The following PIK3R1 variants were observed in gnomAD, a reference collection of about 807,000 sequenced individuals.
The protein encoded by PIK3R1 is phosphatidylinositol 3-kinase regulatory subunit alpha.
In PIK3R1, 29 loss-of-function variants were observed where a neutral mutation model predicts 98.0. The observed-to-expected ratio is 0.30, with a 90% CI of 0.22 to 0.40. The LOEUF (loss-of-function observed/expected upper bound fraction) is 0.40. Ranked by LOEUF, PIK3R1 falls within the 10% of genes least tolerant of loss-of-function variation. The pLI, the probability that PIK3R1 is intolerant of heterozygous loss-of-function variation, is 1.00. For synonymous variants in PIK3R1, 282 were observed against 311.8 expected (o/e 0.90, Z 1.01); for missense variants, 596 against 872.7 (o/e 0.68, Z 3.99).
intron 2 of PIK3R1, among the ~76,000 whole-genome samples, chr5:68,262,448 G>C (rs1453979662): frequency 7.2e-6 from 1 of 139,796 alleles, no homozygotes; most frequent in Non-Finnish European, 1.6e-5. Flanking sequence ...TATGTATGTA[G>C]AATACATATA....
At chr5:68,221,589 A>G (rs1038447623) in intron 1 of PIK3R1, among the ~76,000 whole-genome samples, 1 of 152,226 alleles carries the variant, frequency 6.6e-6, no homozygotes. Flanking sequence ...AATATCCTGT[A>G]TTCCTGCCTG....
intron 2 of PIK3R1, among the ~76,000 whole-genome samples, chr5:68,235,872 A>ATTTTTTTTTT (rs56930555): frequency 2.7e-5 from 4 of 146,638 alleles, no homozygotes; most frequent in Non-Finnish European, 3.0e-5. Context: ...TCTGCCAGGC[A>ATTTTTTTTTT]TTTTTTTTTT....
At chr5:68,223,246 C>T (rs112157042) in intron 1 of PIK3R1, among the ~76,000 whole-genome samples, 254 of 151,420 alleles carry the variant, frequency 1.7e-3, no homozygotes, top group African/African-American at 6.0e-3. Flanking sequence ...ATGGACATGG[C>T]AGTCAGGAGA....
At chr5:68,272,013 G>C (rs1007302361) in intron 2 of PIK3R1, among the ~76,000 whole-genome samples, 7 of 152,110 alleles carry the variant, frequency 4.6e-5, no homozygotes, top group South Asian at 2.1e-4. Context: ...CATTTTGAGA[G>C]ATTGAGGTGG....
rs1745964861 is a variant in PIK3R1 at position 68,263,167 on chromosome 5, A to C, written c.335-10223A>C. Among the ~76,000 whole-genome samples the C allele has an allele frequency of 1.4e-5, 2 of 145,538 alleles. 1 individual carries two copies. Among genetic ancestry groups the C allele is most frequent in the African/African-American group, 5.0e-5 (2 of 39,812 alleles). On this transcript the variant is annotated intron_variant, in intron 2 of 15. Transcript: ENST00000521381. ...TATTTATATATGTACATATATCTAC[A>C]TATATATCTATATATACATATATCT...
intron 4 of PIK3R1, among the ~76,000 whole-genome samples, chr5:68,278,070 A>G (rs1746655945): frequency 6.6e-6 from 1 of 151,970 alleles, no homozygotes; most frequent in Admixed American, 6.6e-5. Context: ...CTGCCCCCAG[A>G]TCTTTGTTTC....
chr5:68,234,532 G>A (rs1744595840), intron 2 of PIK3R1, among the ~76,000 whole-genome samples: 1 of 152,162 alleles, frequency 6.6e-6, no homozygotes, highest in Non-Finnish European at 1.5e-5. Flanking sequence ...GCGGTGTATG[G>A]TTTTAAGACA....
In PIK3R1 at chr5:68,273,442, G is replaced by A. The variant is rs201402919; in HGVS notation, c.387G>A (p.Pro129=). The change falls in exon 3 of 16, where the codon CCG becomes CCA. Residue 129 remains proline, a synonymous_variant. Coordinates refer to ENST00000521381, the MANE Select transcript of PIK3R1 (RefSeq NM_181523.3). ...AEQFAPPDIA[P]PLLIKLVEAI... is the part of the protein sequence containing the mutation. ...AGTTTGCCCCTCCTGACATTGCCCC[G>A]CCTCTTCTTATCAAGCTCGTGGAAG... 9.3e-6 allele frequency: 15 copies of A among 1,613,958 alleles called. No individual in the cohort carries two copies. The highest frequency in any genetic ancestry group is 5.5e-5 in the South Asian group (5 of 91,076).
At chr5:68,269,457 T>C (rs1206015993) in intron 2 of PIK3R1, among the ~76,000 whole-genome samples, 5 of 152,216 alleles carry the variant, frequency 3.3e-5, no homozygotes, top group Non-Finnish European at 5.9e-5. Flanking sequence ...CCTATATAAT[T>C]GATAATATTT....
rs948209686 is a variant in PIK3R1 at position 68,298,353 on chromosome 5, A to G, written c.*752A>G. ...CTAACTATCAAATAGATGGATTTGT[A>G]TCAATACCAAATAGCTTCTGTTTTG... On this transcript the variant is annotated 3_prime_UTR_variant, in exon 16 of 16. Transcript: ENST00000521381. 4.3e-6 allele frequency: 1 copy of G among 233,252 alleles called. No homozygotes were observed. Among genetic ancestry groups the G allele is most frequent in the South Asian group, 1.8e-4 (1 of 5,526 alleles). 14.4% of individuals were successfully genotyped at this position (233,252 alleles called of 1,614,324 possible). A position where few individuals can be genotyped will look rare whatever the true frequency, so the allele number is the denominator to read the frequency against.
rs1359786691 is a variant in PIK3R1 at position 68,262,623 on chromosome 5, A to ATACATGTATC, written c.335-10766_335-10765insACATGTATCT. On this transcript the variant is annotated intron_variant, in intron 2 of 15. Coordinates refer to ENST00000521381, the MANE Select transcript of PIK3R1 (RefSeq NM_181523.3). Reference sequence around the variant, plus strand: ...TGTATACACATGTATACACATGTAGATGCATGTATACACATGTATACACAT... The same window carrying ATACATGTATC: ...TGTATACACATGTATACACATGTAGATACATGTATCTGCATGTATACACATGTATACACAT... Among the ~76,000 whole-genome samples, 31 of 127,290 alleles carry ATACATGTATC rather than the reference A, an allele frequency of 2.4e-4. 1 individual carries two copies. The East Asian group carries it at 4.5e-3, about 18-fold the overall frequency. The allele number at this position is 127,290 out of a possible 152,430, so 83.5% of individuals were successfully genotyped here.
At chr5:68,243,865 G>C (rs1403403092) in intron 2 of PIK3R1, among the ~76,000 whole-genome samples, 2 of 152,188 alleles carry the variant, frequency 1.3e-5, no homozygotes, top group African/African-American at 4.8e-5. Context: ...GGCTCCTTAA[G>C]CTTCGTGGAC....
At chr5:68,262,591 ATCT>A (rs1275154059) in intron 2 of PIK3R1, among the ~76,000 whole-genome samples, 3,173 of 141,048 alleles carry the variant, frequency 0.022, 188 homozygotes, top group African/African-American at 0.08. Context: ...ATACACATGT[ATCT>A]GCATGTATAC....
chr5:68,248,065 C>A (rs1745170659), intron 2 of PIK3R1, among the ~76,000 whole-genome samples: 1 of 150,010 alleles, frequency 6.7e-6, no homozygotes, highest in Admixed American at 6.6e-5. Flanking sequence ...GATCTCAATT[C>A]ACTGCAACCT....
chr5:68,232,385 C>G (rs978441427), intron 2 of PIK3R1, among the ~76,000 whole-genome samples: 1 of 152,114 alleles, frequency 6.6e-6, no homozygotes, highest in African/African-American at 2.4e-5. Flanking sequence ...AGACAGGATG[C>G]TCACTTTTAT....
intron 2 of PIK3R1, among the ~76,000 whole-genome samples, chr5:68,252,384 A>AC (rs397949988): frequency 1.3e-5 from 2 of 150,862 alleles, no homozygotes; most frequent in African/African-American, 4.9e-5. Context: ...AAAAAAAAAA[A>AC]GTGGGGGGAT....
intron 7 of PIK3R1, chr5:68,288,498 C>A: frequency 7.6e-7 from 1 of 1,314,614 alleles, no homozygotes. Context: ...CCGGGCGGGG[C>A]GTGGGGCGGA....
At position 68,233,663 on chromosome 5, in the gene PIK3R1, A is replaced by G. The variant is rs374920733; in HGVS notation, c.334+6654A>G. ...AACAGTACGTGGAATTGTAGTAGAAACATTGTTAAAATATAACTTTGAATT... is the reference window on the plus strand; with the variant it reads ...AACAGTACGTGGAATTGTAGTAGAAGCATTGTTAAAATATAACTTTGAATT... On this transcript the variant is annotated intron_variant, in intron 2 of 15. Coordinates refer to ENST00000521381, the MANE Select transcript of PIK3R1 (RefSeq NM_181523.3). 5.0e-4 allele frequency among the ~76,000 whole-genome samples: 76 copies of G among 152,384 alleles called. 1 individual carries two copies. The East Asian group carries it at 5.6e-3, about 11-fold the overall frequency.
Position 68,226,644 on chromosome 5 carries a change from C to T in PIK3R1, c.-32C>T. On this transcript the variant is annotated 5_prime_UTR_variant, in exon 2 of 16. Coordinates refer to ENST00000521381, the MANE Select transcript of PIK3R1 (RefSeq NM_181523.3). ...AATCAGACTGCTCTGTACAACCAGG[C>T]TCAACTGTTGCATGGTAGCAGATTT... The T allele has an allele frequency of 6.4e-7, 1 of 1,560,798 alleles. No individual in the cohort carries two copies. The highest frequency in any genetic ancestry group is 8.8e-7 in the Non-Finnish European group (1 of 1,135,024).
Sources: allele counts gnomAD v4.1 joint callset (sites outside exome capture counted in the v4.1 genomes callset), GRCh38; gene constraint gnomAD v4.1.1; transcripts MANE v1.5; gene names NCBI Gene and HGNC (gene_info 2026-07-23, HGNC 2026-07-21).